The following ADGRF1 variants were observed in gnomAD, a reference collection of about 807,000 sequenced individuals.
ADGRF1 encodes G protein-coupled receptor 110.
In ADGRF1, 85 loss-of-function variants were observed where a neutral mutation model predicts 87.2. The ratio of observed to expected loss-of-function variants is 0.97; its 90% confidence interval spans 0.82 to 1.17. The LOEUF (loss-of-function observed/expected upper bound fraction) is 1.17. Ranked by LOEUF, ADGRF1 falls within the 50% of genes most tolerant of loss-of-function variation. ADGRF1 has a pLI of 0.00. For missense variants in ADGRF1, 1,169 were observed against 1,077.2 expected, an observed-to-expected ratio of 1.09 and a Z score of -1.19; for synonymous variants, 430 against 408.8, an observed-to-expected ratio of 1.05 and a Z score of -0.63.
At chr6:47,013,752 G>T in intron 9 of ADGRF1, 1 of 615,360 alleles carries the variant, frequency 1.6e-6, no homozygotes, top group Non-Finnish European at 2.0e-6. Context: ...GAGATGATTG[G>T]ATCATGGAGG....
chr6:47,016,925 T>G (rs1054589312), intron 7 of ADGRF1, 157 bp from the exon 8 acceptor site: 3 of 898,034 alleles, frequency 3.3e-6, no homozygotes, highest in African/African-American at 1.7e-5. Flanking sequence ...AAAACAAGTA[T>G]CCACCAAAAA....
chr6:47,005,832 CCAAG>C lies in ADGRF1; in HGVS notation c.2573_2576del (p.Ser858Ter). 1 of 1,611,058 alleles carries C rather than the reference CCAAG, an allele frequency of 6.2e-7. No homozygotes were observed. The highest frequency in any genetic ancestry group is 8.5e-7 in the Non-Finnish European group (1 of 1,178,740). ...AGATAATTACCTTTTCTGTTTGCTT[CCAAG>C]AACTTAAGGCAGACAACTTGTTGAA... On this transcript the variant is annotated frameshift_variant, in exon 13 of 15. Coordinates refer to ENST00000371253, the MANE Select transcript of ADGRF1 (RefSeq NM_153840.4). LOFTEE classifies it high-confidence loss of function.
chr6:47,038,437 T>C (rs967189875), intron 1 of ADGRF1, among the ~76,000 whole-genome samples: 4 of 152,242 alleles, frequency 2.6e-5, no homozygotes, highest in Non-Finnish European at 4.4e-5. Flanking sequence ...CTTTATCAAT[T>C]CTATTTATTT....
Position 46,999,999 on chromosome 6 carries a change from T to C in ADGRF1, c.*223A>G. On this transcript the variant is annotated 3_prime_UTR_variant, in exon 15 of 15. Transcript: ENST00000371253. ...AACAAAACCTACTCTTCTGCATTTA[T>C]GGAGCACTTTCTTTGAATCAAATCA... is the stretch of plus-strand genomic sequence containing the variant. 2.2e-6 allele frequency: 1 copy of C among 461,414 alleles called. No individual in the cohort carries two copies. Among genetic ancestry groups the C allele is most frequent in the Non-Finnish European group, 3.9e-6 (1 of 254,706 alleles). 28.6% of individuals were successfully genotyped at this position (461,414 alleles called of 1,614,324 possible). A position where few individuals can be genotyped will look rare whatever the true frequency, so the allele number is the denominator to read the frequency against.
rs1780217336 is a variant in ADGRF1, at chr6:47,025,916, A to G, written c.215T>C (p.Leu72Ser). 6.2e-7 allele frequency: 1 copy of G among 1,612,246 alleles called. No homozygotes were observed. Among genetic ancestry groups the G allele is most frequent in the African/African-American group, 1.3e-5 (1 of 74,856 alleles). ...ATGTGACCATAATAATGGAGGCTTC[A>G]AGAGCTTCAGAAAATTTCTCAAATC... ...KRDLRNFLKLLKPPLLWSHGL... is the reference protein window; with the variant it reads ...KRDLRNFLKLSKPPLLWSHGL... Residue 72 changes from leucine (L) to serine (S), a missense_variant, in exon 4 of 15, where the codon TTG becomes TCG. Physicochemically the swap from Leu to Ser is moderately radical, Grantham distance 145. Coordinates refer to ENST00000371253, the MANE Select transcript of ADGRF1 (RefSeq NM_153840.4).
chr6:47,027,540 A>C (rs1780275799), intron 3 of ADGRF1, among the ~76,000 whole-genome samples, 164 bp downstream of exon 3: 1 of 152,214 alleles, frequency 6.6e-6, no homozygotes, highest in African/African-American at 2.4e-5. Flanking sequence ...TTTAATCTTC[A>C]CAAACGTCTT....
At chr6:47,031,794 A>G (rs1002777382) in intron 1 of ADGRF1, among the ~76,000 whole-genome samples, 1 of 148,740 alleles carries the variant, frequency 6.7e-6, no homozygotes, top group African/African-American at 2.4e-5. Flanking sequence ...TGGTGTAGTC[A>G]TGGCTCACTG....
intron 1 of ADGRF1, among the ~76,000 whole-genome samples, chr6:47,030,022 T>C (rs1212476863): frequency 6.6e-6 from 1 of 152,204 alleles, no homozygotes; most frequent in Non-Finnish European, 1.5e-5. Flanking sequence ...AGTCCTCCAG[T>C]GGAATAAGTG....
intron 4 of ADGRF1, among the ~76,000 whole-genome samples, chr6:47,025,529 A>G (rs1780202250): frequency 6.6e-6 from 1 of 152,160 alleles, no homozygotes; most frequent in Non-Finnish European, 1.5e-5. Context: ...AGTTCTAGCC[A>G]AAAAGTTGTT....
At chr6:47,013,172 A>G (rs1322900892) in intron 9 of ADGRF1, 2 of 985,302 alleles carry the variant, frequency 2.0e-6, no homozygotes, top group Non-Finnish European at 2.4e-6. Flanking sequence ...CTTCCACTCA[A>G]CATTAAGTCC....
intron 4 of ADGRF1, 149 bp downstream of exon 4, chr6:47,025,705 G>C: frequency 2.7e-6 from 2 of 730,522 alleles, no homozygotes; most frequent in South Asian, 5.0e-5. Context: ...ATCTGCAATG[G>C]ACATGTAGCA....
At chr6:47,018,921 T>C (rs1018579163) in intron 7 of ADGRF1, 3 of 186,290 alleles carry the variant, frequency 1.6e-5, no homozygotes, top group Non-Finnish European at 3.4e-5. Flanking sequence ...TAGCAAGACC[T>C]CAACTAATTA....
intron 1 of ADGRF1, among the ~76,000 whole-genome samples, chr6:47,031,821 G>T (rs1780440229): frequency 6.6e-6 from 1 of 152,074 alleles, no homozygotes; most frequent in South Asian, 2.1e-4. Context: ...TGACCTCCTG[G>T]TTACAAGTGA....
chr6:47,010,455 C>CA, intron 10 of ADGRF1, 137 bp from the exon 11 acceptor site: 1 of 762,870 alleles, frequency 1.3e-6, no homozygotes, highest in Non-Finnish European at 2.1e-6. Context: ...TAAAACTCAT[C>CA]AATCAAATTT....
At chr6:47,031,241 T>C (rs1172640936) in intron 1 of ADGRF1, among the ~76,000 whole-genome samples, 2 of 152,090 alleles carry the variant, frequency 1.3e-5, no homozygotes, top group Admixed American at 1.3e-4. Flanking sequence ...TGCATACTGC[T>C]CTCTGCTCAC....
chr6:47,033,039 C>T (rs542029715), intron 1 of ADGRF1, among the ~76,000 whole-genome samples: 8 of 152,278 alleles, frequency 5.3e-5, no homozygotes, highest in South Asian at 4.1e-4. Context: ...CCTTCCAAGC[C>T]GGAATGGTCC....
chr6:47,024,307 T>C, intron 4 of ADGRF1, 90 bp from the exon 5 acceptor site: 1 of 935,840 alleles, frequency 1.1e-6, no homozygotes, highest in Non-Finnish European at 1.6e-6. Context: ...ATGTTTATTT[T>C]TCAGATTAAC....
At position 47,009,736 on chromosome 6, in the gene ADGRF1, T is replaced by A. The variant is rs1779644066; in HGVS notation, c.1699A>T (p.Thr567Ser). ...DIVTCQCTHL[T>S]SFSILMSPFV... ...GGTGACATCAATATGGAGAAGGAGG[T>A]CAAGTGAGTACATTGGCACGTCACG... The change falls in exon 11 of 15, where the codon ACC (threonine) becomes TCC (serine). Residue 567 changes from threonine (T) to serine (S), a missense_variant. Thr to Ser is a moderately conservative substitution (Grantham distance 58). Transcript: ENST00000371253. 3 of 1,613,958 alleles carry A rather than the reference T, an allele frequency of 1.9e-6. No homozygotes were observed. Among genetic ancestry groups the A allele is most frequent in the East Asian group, 4.5e-5 (2 of 44,872 alleles).
intron 1 of ADGRF1, among the ~76,000 whole-genome samples, chr6:47,036,309 G>A (rs1780587439): frequency 6.6e-6 from 1 of 152,184 alleles, no homozygotes; most frequent in Admixed American, 6.5e-5. Flanking sequence ...ACTACCTGGT[G>A]ACGGGATCAT....
Sources: gnomAD v4.1 joint callset for allele counts (sites outside exome capture counted in the v4.1 genomes callset) on GRCh38, gnomAD v4.1.1 for gene constraint, MANE v1.5 for transcripts, NCBI Gene and HGNC (gene_info 2026-07-23, HGNC 2026-07-21) for gene names.